PCNX1: variants seen among roughly 807,000 people sequenced by gnomAD.
The protein encoded by PCNX1 is pecanex-like protein 1.
Under a neutral mutation model 242.2 loss-of-function variants are expected in PCNX1, and 78 were observed. The ratio of observed to expected loss-of-function variants is 0.32; its 90% CI spans 0.27 to 0.39. The LOEUF (loss-of-function observed/expected upper bound fraction) is 0.39. Ranked by LOEUF, PCNX1 falls within the 10% of genes least tolerant of loss-of-function variation. The pLI, the probability that PCNX1 is intolerant of heterozygous loss-of-function variation, is 1.00. For missense variants in PCNX1, 2,581 were observed against 2,856.5 expected (o/e 0.90, Z 2.20); for synonymous variants, 1,024 against 1,032.9 (o/e 0.99, Z 0.17).
chr14:70,936,483 G>C (rs1205296534), intron 1 of PCNX1, among the ~76,000 whole-genome samples: 3 of 152,146 alleles, frequency 2.0e-5, no homozygotes, highest in African/African-American at 7.2e-5. Context: ...TGGTTACATA[G>C]TATTCCATGG....
At chr14:71,024,874 C>T (rs2060198485) in intron 13 of PCNX1, among the ~76,000 whole-genome samples, 2 of 152,134 alleles carry the variant, frequency 1.3e-5, no homozygotes, top group Admixed American at 6.6e-5. Context: ...GGGAGCAAAA[C>T]CCCCTCCCAC....
intron 26 of PCNX1, among the ~76,000 whole-genome samples, chr14:71,060,438 A>G (rs1014817409): frequency 1.3e-5 from 2 of 152,218 alleles, no homozygotes; most frequent in Non-Finnish European, 2.9e-5. Flanking sequence ...AGACTCATAC[A>G]TCTCACATTT....
chr14:71,015,611 C>A (rs1328873260), intron 11 of PCNX1, among the ~76,000 whole-genome samples: 1 of 152,104 alleles, frequency 6.6e-6, no homozygotes, highest in Non-Finnish European at 1.5e-5. Context: ...GCCTTGGCAA[C>A]CTAGTGAGAC....
chr14:71,095,422 T>C (rs1245310288), intron 30 of PCNX1, among the ~76,000 whole-genome samples: 2 of 152,228 alleles, frequency 1.3e-5, no homozygotes, highest in East Asian at 3.8e-4. Context: ...ATCTCAAGTA[T>C]ATTTCTAAAA....
chr14:71,089,050 G>A (rs1160020986), intron 29 of PCNX1, 142 bp from the exon 30 acceptor site: 1 of 593,056 alleles, frequency 1.7e-6, no homozygotes, highest in Non-Finnish European at 2.9e-6. Flanking sequence ...TTGTGATTCT[G>A]GTTCAGGGTT....
In PCNX1 at chr14:71,111,936, C is replaced by CTACA. The variant is rs1170453877; in HGVS notation, c.*2002_*2005dup. On this transcript the variant is annotated 3_prime_UTR_variant, in exon 36 of 36. Coordinates refer to ENST00000304743, the MANE Select transcript of PCNX1 (RefSeq NM_014982.3). ...CTGCATTTGCCTCATTTTGGCAGAT[C>CTACA]TACAGTATGCCATTAAAGTTTAGTG... The CTACA allele has an allele frequency of 7.2e-5, 11 of 152,570 alleles. No individual in the cohort carries two copies. Among genetic ancestry groups the CTACA allele is most frequent in the African/African-American group, 2.6e-4 (11 of 41,546 alleles). 9.5% of individuals were successfully genotyped at this position (152,570 alleles called of 1,614,324 possible).
In PCNX1 at chr14:71,110,208, T is replaced by TA. The variant is rs1285506159; in HGVS notation, c.*280dup. The TA allele has an allele frequency of 2.1e-5, 9 of 437,036 alleles. No individual in the cohort carries two copies. Among genetic ancestry groups the TA allele is most frequent in the Non-Finnish European group, 3.8e-5 (9 of 236,972 alleles). 27.1% of individuals were successfully genotyped at this position (437,036 alleles called of 1,614,324 possible). Reference sequence around the variant, plus strand: ...ATAAAGTTCTGTTAAAATACATCCTTAAAAAAAGTTTTTCCTATGCATTGC... The same window carrying TA: ...ATAAAGTTCTGTTAAAATACATCCTTAAAAAAAAGTTTTTCCTATGCATTGC... On this transcript the variant is annotated 3_prime_UTR_variant, in exon 36 of 36. Coordinates refer to ENST00000304743, the MANE Select transcript of PCNX1 (RefSeq NM_014982.3).
chr14:70,994,199 T>C (rs1454446869), intron 7 of PCNX1, among the ~76,000 whole-genome samples: 2 of 151,870 alleles, frequency 1.3e-5, no homozygotes, highest in Non-Finnish European at 2.9e-5. Context: ...CTGTTCTATA[T>C]GGTAGACACT....
intron 2 of PCNX1, among the ~76,000 whole-genome samples, chr14:70,953,664 CTTTTTTTTTT>C (rs33967128): frequency 8.7e-6 from 1 of 114,940 alleles, no homozygotes; most frequent in East Asian, 2.5e-4. Flanking sequence ...TTTTTTCTTT[CTTTTTTTTTT>C]TTTTTTTTTA....
rs774052711 is a variant in PCNX1 at position 71,034,014 on chromosome 14, C to G, written c.3752C>G (p.Pro1251Arg). The G allele has an allele frequency of 3.8e-6, 6 of 1,593,818 alleles. No homozygotes were observed. The Admixed American group carries it at 5.1e-5, about 14-fold the overall frequency. The change falls in exon 18 of 36, where the codon CCT becomes CGT. Residue 1251 changes from proline to arginine, a missense_variant. By Grantham distance (103) the Pro-to-Arg change is moderately radical. Transcript: ENST00000304743. The stretch of plus-strand genomic sequence containing the variant: ...CTATCTGAAGTAAAAGATCCACTGC[C>G]TGAAAAACTTAGAAATTCTGTTGTA... ...DPLSEVKDPL[P>R]EKLRNSVSER...
At chr14:70,951,753 AAATTT>A (rs1246441113) in intron 2 of PCNX1, among the ~76,000 whole-genome samples, 2 of 149,616 alleles carry the variant, frequency 1.3e-5, no homozygotes, top group Non-Finnish European at 2.9e-5. Context: ...ATCCTCCAGA[AAATTT>A]CGTTAGAATT....
chr14:71,012,818 CAAAAAAAAAA>C (rs10557318), intron 10 of PCNX1, 157 bp from the exon 11 acceptor site: 153,974 of 454,624 alleles, frequency 0.34, 21,225 homozygotes, highest in Admixed American at 0.45. Flanking sequence ...GACTCTGTCT[CAAAAAAAAAA>C]AAAAAAAAAA....
intron 9 of PCNX1, among the ~76,000 whole-genome samples, chr14:71,010,981 G>T (rs1353182922): frequency 6.6e-6 from 1 of 152,110 alleles, no homozygotes. Context: ...GAAACAGTAG[G>T]AGGAGGGAGG....
chr14:70,940,984 T>C (rs1040022016), intron 1 of PCNX1, among the ~76,000 whole-genome samples: 1 of 152,218 alleles, frequency 6.6e-6, no homozygotes, highest in African/African-American at 2.4e-5. Context: ...TCAGGTCATT[T>C]AAGGTCTTCT....
Position 71,074,544 on chromosome 14 carries a change from G to A in PCNX1, c.5106+746G>A, listed in dbSNP as rs931470698. Among the ~76,000 whole-genome samples, 9 of 152,208 alleles carry A rather than the reference G, an allele frequency of 5.9e-5. No individual in the cohort carries two copies. The East Asian group carries it at 1.7e-3, about 29-fold the overall frequency. On this transcript the variant is annotated intron_variant, in intron 27 of 35. Coordinates refer to ENST00000304743, the MANE Select transcript of PCNX1 (RefSeq NM_014982.3). The stretch of plus-strand genomic sequence containing the variant: ...AGTTGTCCTCTCACAGTAGAGTTGT[G>A]CAGATGCCTGTTTTTCCCAGCAGTG...
At chr14:71,087,152 A>G (rs2062015214) in intron 28 of PCNX1, among the ~76,000 whole-genome samples, 1 of 152,270 alleles carries the variant, frequency 6.6e-6, no homozygotes, top group Admixed American at 6.5e-5. Flanking sequence ...CTTCAAGTCT[A>G]CACCCACTCT....
intron 1 of PCNX1, among the ~76,000 whole-genome samples, chr14:70,941,660 TCAGA>T (rs1397208873): frequency 3.3e-5 from 5 of 152,198 alleles, no homozygotes; most frequent in African/African-American, 9.7e-5. Flanking sequence ...TTCAAAGTTG[TCAGA>T]CAGGGACGTT....
intron 26 of PCNX1, among the ~76,000 whole-genome samples, chr14:71,071,610 C>T (rs953774854): frequency 2.0e-5 from 3 of 152,144 alleles, no homozygotes; most frequent in African/African-American, 7.2e-5. Flanking sequence ...TCTCCTTCAC[C>T]TTACACCGTG....
intron 1 of PCNX1, among the ~76,000 whole-genome samples, chr14:70,919,456 G>A (rs2056282431): frequency 6.6e-6 from 1 of 152,086 alleles, no homozygotes; most frequent in Non-Finnish European, 1.5e-5. Flanking sequence ...TGATTTTCCT[G>A]TGTCTCTTAG....
Sources: allele counts gnomAD v4.1 joint callset (sites outside exome capture counted in the v4.1 genomes callset), GRCh38; gene constraint gnomAD v4.1.1; transcripts MANE v1.5; gene names NCBI Gene and HGNC (gene_info 2026-07-23, HGNC 2026-07-21).